Variants in EFCAB6 observed in about 807,000 individuals in gnomAD.
EFCAB6 encodes EF-hand calcium binding domain 6.
Under a neutral mutation model 169.8 loss-of-function variants are expected in EFCAB6, and 156 were observed. That is an observed-to-expected ratio of 0.92 (90% confidence interval 0.81 to 1.05). The LOEUF is 1.05. Ranked by LOEUF, EFCAB6 falls within the 50% of genes least tolerant of loss-of-function variation. The pLI is 0.00. For missense variants in EFCAB6, 1,800 were observed against 1,829.1 expected, an observed-to-expected ratio of 0.98 and a Z score of 0.29; for synonymous variants, 698 against 676.4, an observed-to-expected ratio of 1.03 and a Z score of -0.50.
intron 27 of EFCAB6, among the ~76,000 whole-genome samples, chr22:43,542,066 G>A (rs9626037): frequency 0.14 from 21,609 of 152,256 alleles, 1,654 homozygotes; most frequent in Middle Eastern, 0.2. Context: ...GACGAGCCCC[G>A]TAGGGGAGGA....
chr22:43,760,479 T>G (rs571511389), intron 5 of EFCAB6, among the ~76,000 whole-genome samples: 69 of 152,210 alleles, frequency 4.5e-4, no homozygotes, highest in Non-Finnish European at 9.1e-4. Context: ...TTTCTTTTTA[T>G]TTATCTGGCT....
chr22:43,546,254 T>C (rs189376571), intron 27 of EFCAB6, among the ~76,000 whole-genome samples: 288 of 152,276 alleles, frequency 1.9e-3, no homozygotes, highest in African/African-American at 6.5e-3. Context: ...TTTTAAAACA[T>C]ACAATGTATA....
chr22:43,714,125 A>G (rs1732166732), intron 9 of EFCAB6, among the ~76,000 whole-genome samples: 1 of 152,242 alleles, frequency 6.6e-6, no homozygotes, highest in South Asian at 2.1e-4. Context: ...TAAAAATAGC[A>G]TCATTACAGG....
At chr22:43,670,892 A>AGC (rs1210657885) in intron 15 of EFCAB6, among the ~76,000 whole-genome samples, 15 of 152,360 alleles carry the variant, frequency 9.8e-5, no homozygotes, top group African/African-American at 3.1e-4. Flanking sequence ...CAGCGGCAGC[A>AGC]ACAAACACTG....
At chr22:43,583,570 CAT>C (rs2050869911) in intron 24 of EFCAB6, among the ~76,000 whole-genome samples, 1 of 150,102 alleles carries the variant, frequency 6.7e-6, no homozygotes, top group Admixed American at 6.7e-5. Flanking sequence ...CCTCAAAATT[CAT>C]ATGTTAAAAT....
chr22:43,636,464 T>G (rs965219698), intron 17 of EFCAB6, among the ~76,000 whole-genome samples: 4 of 152,076 alleles, frequency 2.6e-5, no homozygotes, highest in South Asian at 2.1e-4. Context: ...CGGATCTCAT[T>G]TAATCCTCAG....
chr22:43,592,566 T>C (rs1335314784), intron 23 of EFCAB6, among the ~76,000 whole-genome samples: 1 of 152,114 alleles, frequency 6.6e-6, no homozygotes, highest in South Asian at 2.1e-4. Context: ...ACAGAGTAAA[T>C]GAGGGTTTAG....
intron 26 of EFCAB6, among the ~76,000 whole-genome samples, chr22:43,563,413 C>A (rs754707989): frequency 2.0e-5 from 3 of 151,988 alleles, no homozygotes; most frequent in Non-Finnish European, 4.4e-5. Context: ...ACAAAAAATA[C>A]AAAAATTAGC....
At chr22:43,618,696 G>A (rs2053913141) in intron 20 of EFCAB6, among the ~76,000 whole-genome samples, 1 of 152,190 alleles carries the variant, frequency 6.6e-6, no homozygotes, top group Non-Finnish European at 1.5e-5. Context: ...CAAAGAGCTA[G>A]GATAGGATGG....
intron 2 of EFCAB6, among the ~76,000 whole-genome samples, chr22:43,796,277 G>A (rs767921584): frequency 1.8e-4 from 28 of 152,046 alleles, no homozygotes; most frequent in Middle Eastern, 6.8e-3. Flanking sequence ...TATTAATGCC[G>A]TGGGAGCCAG....
In EFCAB6 at chr22:43,537,902, G is replaced by T. The variant is rs1216866294; in HGVS notation, c.3880-357C>A. Among the ~76,000 whole-genome samples, 1 of 152,130 alleles carries T rather than the reference G, an allele frequency of 6.6e-6. No homozygotes were observed. Among genetic ancestry groups the T allele is most frequent in the Non-Finnish European group, 1.5e-5 (1 of 68,020 alleles). ...GCGGAAGAGTCTTATCCAAGAAAGGGATTTACTTGTCCTGGGCACAAGACA... is the reference window on the plus strand; with the variant it reads ...GCGGAAGAGTCTTATCCAAGAAAGGTATTTACTTGTCCTGGGCACAAGACA... On this transcript the variant is annotated intron_variant, in intron 28 of 31. Transcript: ENST00000262726. The surrounding 1 kb of genome is among the most constrained non-coding windows in gnomAD (Gnocchi z 4.3).
chr22:43,641,563 C>T (rs562506708), intron 17 of EFCAB6, among the ~76,000 whole-genome samples: 2 of 150,126 alleles, frequency 1.3e-5, no homozygotes, highest in East Asian at 3.9e-4. Context: ...TTGCAGTGAG[C>T]TGACATTGCG....
intron 17 of EFCAB6, 45 bp from the exon 18 acceptor site, chr22:43,635,261 G>A (rs1277813888): frequency 1.2e-5 from 17 of 1,389,792 alleles, no homozygotes; most frequent in East Asian, 2.3e-5. Flanking sequence ...TAGGTGGTCC[G>A]CGGGTCACTA....
chr22:43,758,795 C>G (rs2061046974), intron 5 of EFCAB6, among the ~76,000 whole-genome samples: 1 of 152,162 alleles, frequency 6.6e-6, no homozygotes, highest in Non-Finnish European at 1.5e-5. Flanking sequence ...GTCTTTAACC[C>G]TCAGTTTTTA....
At chr22:43,651,770 G>T (rs2056481176) in intron 17 of EFCAB6, among the ~76,000 whole-genome samples, 1 of 152,232 alleles carries the variant, frequency 6.6e-6, no homozygotes, top group African/African-American at 2.4e-5. Context: ...GTGTGACCTG[G>T]ATGTGAGACA....
intron 30 of EFCAB6, 125 bp from the exon 31 acceptor site, chr22:43,531,089 T>C (rs2047035712): frequency 1.6e-6 from 2 of 1,286,068 alleles, no homozygotes; most frequent in African/African-American, 1.5e-5. Flanking sequence ...CCTGCTCCGC[T>C]GGCTCTGAAT....
Position 43,632,996 on chromosome 22 carries a change from G to A in EFCAB6, c.2099-758C>T, listed in dbSNP as rs186760111. On this transcript the variant is annotated intron_variant, in intron 18 of 31. Coordinates refer to ENST00000262726, the MANE Select transcript of EFCAB6 (RefSeq NM_022785.4). Reference sequence around the variant, plus strand: ...GTGTATCTGTTAAGTAAGATGCTGAGGGCTTCATCTATTTTTTGGTCCTTC... The same window carrying A: ...GTGTATCTGTTAAGTAAGATGCTGAAGGCTTCATCTATTTTTTGGTCCTTC... Among the ~76,000 whole-genome samples, 10 of 152,334 alleles carry A rather than the reference G, an allele frequency of 6.6e-5. No individual in the cohort carries two copies. In the East Asian group the frequency reaches 1.7e-3, roughly 26 times the overall value.
chr22:43,555,857 G>A (rs138704158), intron 26 of EFCAB6, among the ~76,000 whole-genome samples: 2 of 152,214 alleles, frequency 1.3e-5, no homozygotes, highest in Non-Finnish European at 2.9e-5. Flanking sequence ...CTGGGAGGAG[G>A]AGGAATTGGC....
At chr22:43,715,469 T>C (rs759590984) in intron 9 of EFCAB6, among the ~76,000 whole-genome samples, 6 of 152,230 alleles carry the variant, frequency 3.9e-5, no homozygotes, top group Non-Finnish European at 7.3e-5. Flanking sequence ...ATAAAAGAGT[T>C]AAATATGATG....
Sources: gnomAD v4.1 joint callset for allele counts (sites outside exome capture counted in the v4.1 genomes callset) on GRCh38, gnomAD v4.1.1 for gene constraint, Gnocchi (gnomAD v3.1) non-coding constraint, MANE v1.5 for transcripts, NCBI Gene and HGNC (gene_info 2026-07-23, HGNC 2026-07-21) for gene names.